LHFPL6: variants seen among roughly 807,000 people sequenced by gnomAD.
The protein encoded by LHFPL6 is LHFPL tetraspan subfamily member 6 protein.
Under a neutral mutation model 20.6 loss-of-function variants are expected in LHFPL6, and 9 were observed. The observed-to-expected ratio is 0.44, with a 90% CI of 0.26 to 0.76. The LOEUF (loss-of-function observed/expected upper bound fraction) is 0.76. Ranked by LOEUF, LHFPL6 falls within the 30% of genes least tolerant of loss-of-function variation. The pLI is 0.20. For missense variants in LHFPL6, 218 were observed against 253.5 expected (o/e 0.86, Z 0.95); for synonymous variants, 105 against 98.7 (o/e 1.06, Z -0.38).
intron 2 of LHFPL6, among the ~76,000 whole-genome samples, chr13:39,402,626 C>T (rs1047696800): frequency 3.9e-5 from 6 of 152,122 alleles, no homozygotes; most frequent in Non-Finnish European, 5.9e-5. Context: ...CAAATACAGA[C>T]CAGGATCACA....
intron 2 of LHFPL6, among the ~76,000 whole-genome samples, chr13:39,411,755 C>A (rs947140269): frequency 2.6e-5 from 4 of 152,200 alleles, no homozygotes; most frequent in Non-Finnish European, 4.4e-5. Flanking sequence ...AGAACTATAG[C>A]CCTTGCCTAC....
chr13:39,457,462 G>A (rs1872597168), intron 2 of LHFPL6, among the ~76,000 whole-genome samples: 1 of 152,166 alleles, frequency 6.6e-6, no homozygotes, highest in African/African-American at 2.4e-5. Flanking sequence ...GCTACAGTTG[G>A]AAAGGTTCAC....
intron 2 of LHFPL6, among the ~76,000 whole-genome samples, chr13:39,392,007 T>C (rs1406721126): frequency 6.6e-6 from 1 of 152,220 alleles, no homozygotes; most frequent in Non-Finnish European, 1.5e-5. Flanking sequence ...AACTTTTTAC[T>C]TTTCCATCTG....
intron 2 of LHFPL6, among the ~76,000 whole-genome samples, chr13:39,487,297 C>T (rs1309571703): frequency 6.6e-6 from 1 of 152,120 alleles, no homozygotes; most frequent in Non-Finnish European, 1.5e-5. Flanking sequence ...TTTTATAGTG[C>T]CTTTTTGGCT....
chr13:39,575,820 G>C (rs1267656362), intron 2 of LHFPL6, among the ~76,000 whole-genome samples: 1 of 152,172 alleles, frequency 6.6e-6, no homozygotes, highest in Non-Finnish European at 1.5e-5. Flanking sequence ...GACAGCCCTG[G>C]TGCAGACTCT....
intron 2 of LHFPL6, among the ~76,000 whole-genome samples, chr13:39,508,537 G>T (rs750952089): frequency 6.6e-6 from 1 of 151,918 alleles, no homozygotes; most frequent in Non-Finnish European, 1.5e-5. Flanking sequence ...TTTCACAATT[G>T]ATCTGTTTGA....
chr13:39,485,329 G>A (rs1181260855), intron 2 of LHFPL6, among the ~76,000 whole-genome samples: 1 of 152,160 alleles, frequency 6.6e-6, no homozygotes, highest in Non-Finnish European at 1.5e-5. Flanking sequence ...CTCAGATTCA[G>A]AGAAATGGGT....
chr13:39,479,772 A>G (rs975744073), intron 2 of LHFPL6, among the ~76,000 whole-genome samples: 4 of 152,242 alleles, frequency 2.6e-5, no homozygotes, highest in Non-Finnish European at 4.4e-5. Context: ...TATAGTCTGC[A>G]TACTAATAGC....
At chr13:39,458,471 T>C (rs1017982555) in intron 2 of LHFPL6, among the ~76,000 whole-genome samples, 3 of 151,640 alleles carry the variant, frequency 2.0e-5, no homozygotes, top group African/African-American at 7.3e-5. Flanking sequence ...CTGAGGTGGG[T>C]GGATCACTTG....
At chr13:39,376,424 G>C (rs1405980561) in intron 3 of LHFPL6, among the ~76,000 whole-genome samples, 3 of 152,152 alleles carry the variant, frequency 2.0e-5, no homozygotes, top group Non-Finnish European at 4.4e-5. Flanking sequence ...TCATCAAAGA[G>C]GGAAGAATAG....
chr13:39,503,962 A>C (rs1475175), intron 2 of LHFPL6, among the ~76,000 whole-genome samples: 47,641 of 152,094 alleles, frequency 0.31, 7,957 homozygotes, highest in Middle Eastern at 0.42. Context: ...TAAATAAGAA[A>C]GATGATAACA....
intron 2 of LHFPL6, among the ~76,000 whole-genome samples, chr13:39,401,408 G>A (rs1870987229): frequency 6.6e-6 from 1 of 152,164 alleles, no homozygotes; most frequent in Non-Finnish European, 1.5e-5. Context: ...AGGTGAAGGA[G>A]ACTTGGAGTC....
At chr13:39,368,629 AG>A (rs142228959) in intron 3 of LHFPL6, among the ~76,000 whole-genome samples, 7,171 of 152,270 alleles carry the variant, frequency 0.047, 274 homozygotes, top group South Asian at 0.17. Flanking sequence ...CTCAGAAAAA[AG>A]GACTGAAGAT....
chr13:39,572,506 A>T (rs923758930), intron 2 of LHFPL6, among the ~76,000 whole-genome samples: 15 of 152,186 alleles, frequency 9.9e-5, no homozygotes, highest in African/African-American at 3.1e-4. Context: ...TATTACTCAA[A>T]AACCTCTCTT....
At chr13:39,495,236 T>C (rs1869059722) in intron 2 of LHFPL6, among the ~76,000 whole-genome samples, 1 of 152,222 alleles carries the variant, frequency 6.6e-6, no homozygotes, top group Non-Finnish European at 1.5e-5. Flanking sequence ...CATGAAAATA[T>C]GCCTCAAATT....
At chr13:39,510,121 A>G (rs1432400140) in intron 2 of LHFPL6, among the ~76,000 whole-genome samples, 4 of 152,366 alleles carry the variant, frequency 2.6e-5, no homozygotes, top group Non-Finnish European at 4.4e-5. Flanking sequence ...ACTGCTCTGC[A>G]GATGGTAACA....
intron 2 of LHFPL6, among the ~76,000 whole-genome samples, chr13:39,444,036 G>C (rs111291020): frequency 6.6e-6 from 1 of 152,200 alleles, no homozygotes; most frequent in East Asian, 1.9e-4. Flanking sequence ...ATAAGTCAAG[G>C]AGCATTGGAA....
intron 2 of LHFPL6, among the ~76,000 whole-genome samples, chr13:39,415,330 C>T (rs766508699): frequency 1.3e-5 from 2 of 152,016 alleles, no homozygotes; most frequent in African/African-American, 4.8e-5. Context: ...TTGCCTCAGC[C>T]GATAACTGAA....
chr13:39,499,387 C>T (rs1457421283), intron 2 of LHFPL6, among the ~76,000 whole-genome samples: 1 of 152,200 alleles, frequency 6.6e-6, no homozygotes, highest in African/African-American at 2.4e-5. Context: ...ATGGCAGCAG[C>T]CTCCTTGCTG....
Sources: gnomAD v4.1 joint callset for allele counts (sites outside exome capture counted in the v4.1 genomes callset) on GRCh38, gnomAD v4.1.1 for gene constraint, MANE v1.5 for transcripts, NCBI Gene and HGNC (gene_info 2026-07-23, HGNC 2026-07-21) for gene names.